PARD3B: variants seen among roughly 807,000 people sequenced by gnomAD.
The protein encoded by PARD3B is partitioning defective 3 homolog B.
A neutral mutation model predicts 130.2 loss-of-function variants in PARD3B; 103 were observed. The observed-to-expected ratio is 0.79, with a 90% CI of 0.67 to 0.93. The LOEUF is 0.93. Ranked by LOEUF, PARD3B falls within the 40% of genes least tolerant of loss-of-function variation. The pLI is 0.00. For missense variants in PARD3B, 1,609 were observed against 1,499.2 expected, an observed-to-expected ratio of 1.07 and a Z score of -1.21; for synonymous variants, 583 against 553.2, an observed-to-expected ratio of 1.05 and a Z score of -0.76.
chr2:204,999,104 C>CTT (rs199531116), intron 3 of PARD3B, among the ~76,000 whole-genome samples: 2 of 144,214 alleles, frequency 1.4e-5, no homozygotes, highest in African/African-American at 2.5e-5. Flanking sequence ...TGCTTTCTTA[C>CTT]TTTTTTTTTT....
At chr2:205,580,610 G>T (rs1430177860) in intron 22 of PARD3B, among the ~76,000 whole-genome samples, 11 of 152,150 alleles carry the variant, frequency 7.2e-5, no homozygotes, top group Admixed American at 7.2e-4. Context: ...AAGTTTCAGT[G>T]CCTTAAAAAA....
intron 20 of PARD3B, among the ~76,000 whole-genome samples, chr2:205,452,225 T>C (rs375240665): frequency 2.6e-5 from 4 of 152,302 alleles, no homozygotes; most frequent in African/African-American, 7.2e-5. Context: ...CATTGAGCCA[T>C]AGCATTGTCA....
intron 2 of PARD3B, among the ~76,000 whole-genome samples, chr2:204,914,998 G>A (rs937115885): frequency 2.6e-5 from 4 of 152,198 alleles, no homozygotes; most frequent in South Asian, 4.2e-4. Context: ...TCCCACCTTC[G>A]CACCCCACTT....
At chr2:204,742,945 A>G (rs1263566046) in intron 2 of PARD3B, among the ~76,000 whole-genome samples, 1 of 152,168 alleles carries the variant, frequency 6.6e-6, no homozygotes, top group African/African-American at 2.4e-5. Flanking sequence ...GTTTCCATTT[A>G]CAAAGCTTTT....
intron 18 of PARD3B, among the ~76,000 whole-genome samples, chr2:205,386,764 G>A (rs2045675355): frequency 6.6e-6 from 1 of 151,372 alleles, no homozygotes; most frequent in Non-Finnish European, 1.5e-5. Flanking sequence ...CTGAGTTGAG[G>A]GGTTCAGGTC....
At chr2:204,741,309 CTT>C (rs2125363486) in intron 2 of PARD3B, among the ~76,000 whole-genome samples, 1 of 152,254 alleles carries the variant, frequency 6.6e-6, no homozygotes, top group Non-Finnish European at 1.5e-5. Context: ...AAAGAAATAA[CTT>C]TTTCTTGTGT....
At chr2:205,170,160 C>A (rs1184866774) in intron 11 of PARD3B, among the ~76,000 whole-genome samples, 1 of 152,142 alleles carries the variant, frequency 6.6e-6, no homozygotes, top group East Asian at 1.9e-4. Context: ...GAACTCCTGA[C>A]CTCAGGGGAT....
rs910233373 is a variant in PARD3B, at chr2:205,128,809, A to AT, written c.1434+3079dup. ...ACTATTTTTGAACAATGATTGTTTT[A>AT]TTTTTTTATTATTTTATAATGTATT... On this transcript the variant is annotated intron_variant, in intron 10 of 22. Coordinates refer to ENST00000406610, the MANE Select transcript of PARD3B (RefSeq NM_001302769.2). The surrounding 1 kb of genome is among the most constrained non-coding windows in gnomAD (Gnocchi z 4.5). 1.3e-5 allele frequency among the ~76,000 whole-genome samples: 2 copies of AT among 152,066 alleles called. No individual in the cohort carries two copies. The highest frequency in any genetic ancestry group is 2.9e-5 in the Non-Finnish European group (2 of 67,998).
intron 22 of PARD3B, among the ~76,000 whole-genome samples, chr2:205,600,647 C>T (rs1290706630): frequency 6.6e-6 from 1 of 152,188 alleles, no homozygotes; most frequent in Admixed American, 6.5e-5. Context: ...TATCCTGATG[C>T]TGCCCCTCCC....
At chr2:204,564,560 A>G (rs1437676420) in intron 1 of PARD3B, among the ~76,000 whole-genome samples, 2 of 152,182 alleles carry the variant, frequency 1.3e-5, no homozygotes, top group Non-Finnish European at 1.5e-5. Context: ...AATATGTTCA[A>G]TTGATTTAAA....
intron 4 of PARD3B, among the ~76,000 whole-genome samples, chr2:205,061,616 A>G (rs1350708467): frequency 6.6e-6 from 1 of 152,080 alleles, no homozygotes; most frequent in Admixed American, 6.6e-5. Flanking sequence ...GATAAGATAG[A>G]CTATAGAAGT....
intron 18 of PARD3B, among the ~76,000 whole-genome samples, chr2:205,333,334 T>C (rs1320852357): frequency 6.6e-6 from 1 of 152,036 alleles, no homozygotes; most frequent in Non-Finnish European, 1.5e-5. Flanking sequence ...ATGTAAAATA[T>C]CTAAACAAAT....
chr2:205,456,202 GTATGGATGTACCATTGCTTAATCATGC>G (rs1559111578), intron 20 of PARD3B, among the ~76,000 whole-genome samples: 4 of 152,024 alleles, frequency 2.6e-5, no homozygotes, highest in Admixed American at 6.6e-5. Flanking sequence ...TTAACCCATG[GTATGGATGTACCATTGCTTAATCATGC>G]TATGGATGTA....
intron 19 of PARD3B, among the ~76,000 whole-genome samples, chr2:205,403,960 G>A (rs1260318374): frequency 6.7e-6 from 1 of 149,298 alleles, no homozygotes; most frequent in Non-Finnish European, 1.5e-5. Context: ...CTCAATTAAG[G>A]GAATATGGGT....
chr2:204,941,015 T>C (rs1479612589), intron 2 of PARD3B, among the ~76,000 whole-genome samples: 1 of 152,216 alleles, frequency 6.6e-6, no homozygotes, highest in African/African-American at 2.4e-5. Flanking sequence ...TTCAGTGTTG[T>C]ATGTTCTATT....
Position 205,053,953 on chromosome 2 carries a change from C to T in PARD3B, c.504+6263C>T, listed in dbSNP as rs528960060. On this transcript the variant is annotated intron_variant, in intron 4 of 22. Transcript: ENST00000406610. ...TTAATAATAGTTCTGGTGTTTGTAACTCCAGCTGTTCACGCTGTGTGCTGA... is the reference window on the plus strand; with the variant it reads ...TTAATAATAGTTCTGGTGTTTGTAATTCCAGCTGTTCACGCTGTGTGCTGA... 6.6e-5 allele frequency among the ~76,000 whole-genome samples: 10 copies of T among 152,204 alleles called. No individual in the cohort carries two copies. In the East Asian group the frequency reaches 1.9e-3, roughly 29 times the overall value.
At chr2:204,997,295 T>A (rs1694309012) in intron 3 of PARD3B, among the ~76,000 whole-genome samples, 1 of 152,172 alleles carries the variant, frequency 6.6e-6, no homozygotes, top group Admixed American at 6.5e-5. Context: ...CCTATGAGAT[T>A]TTGATTGGGA....
intron 1 of PARD3B, among the ~76,000 whole-genome samples, chr2:204,607,298 C>A (rs1017762076): frequency 1.3e-5 from 2 of 152,014 alleles, no homozygotes; most frequent in Admixed American, 1.3e-4. Flanking sequence ...TGTTTTATAC[C>A]GTAATCCTTA....
chr2:205,018,792 A>G (rs1243995267), intron 3 of PARD3B, among the ~76,000 whole-genome samples: 1 of 135,810 alleles, frequency 7.4e-6, no homozygotes, highest in African/African-American at 2.7e-5. Context: ...TCTTTCACCT[A>G]TAGTTGTTTC....
Sources: gnomAD v4.1 joint callset for allele counts (sites outside exome capture counted in the v4.1 genomes callset) on GRCh38, gnomAD v4.1.1 for gene constraint, Gnocchi (gnomAD v3.1) non-coding constraint, MANE v1.5 for transcripts, NCBI Gene and HGNC (gene_info 2026-07-23, HGNC 2026-07-21) for gene names.